ABHD2: variants seen among roughly 807,000 people sequenced by gnomAD.
ABHD2 encodes the protein abhydrolase domain containing 2, acylglycerol lipase, also known as monoacylglycerol lipase ABHD2.
In ABHD2, 20 loss-of-function variants were observed where a neutral mutation model predicts 48.1. That is an observed-to-expected ratio of 0.42 (90% CI 0.29 to 0.60). ABHD2 has a LOEUF of 0.60. Ranked by LOEUF, ABHD2 falls within the 20% of genes least tolerant of loss-of-function variation. ABHD2 has a pLI of 0.24. For missense variants in ABHD2, 405 were observed against 550.9 expected (o/e 0.74, Z 2.65); for synonymous variants, 209 against 214.2 (o/e 0.98, Z 0.21).
At chr15:89,049,898 C>T in the ABHD2 span, among the ~76,000 whole-genome samples, 1 of 152,296 alleles carries the variant, frequency 6.6e-6, no homozygotes, top group Middle Eastern at 3.4e-3. Flanking sequence ...TCCTATTCGG[C>T]CATCTTGGCT....
At chr15:89,109,660 A>G (rs1167032551) in intron 1 of ABHD2, among the ~76,000 whole-genome samples, 1 of 152,194 alleles carries the variant, frequency 6.6e-6, no homozygotes, top group Non-Finnish European at 1.5e-5. Flanking sequence ...CAAGTTCAGA[A>G]TATTAATATA....
the ABHD2 span, among the ~76,000 whole-genome samples, chr15:89,071,301 A>C: frequency 6.6e-6 from 1 of 152,060 alleles, no homozygotes; most frequent in East Asian, 1.9e-4. Context: ...AGCGCCTATA[A>C]TCCCAGCTAC....
the ABHD2 span, among the ~76,000 whole-genome samples, chr15:89,060,102 T>C: frequency 2.8e-3 from 414 of 148,080 alleles, 1 homozygote; most frequent in African/African-American, 9.6e-3. Flanking sequence ...TTTTTTTTTT[T>C]TTTTTGAGAC....
intron 6 of ABHD2, among the ~76,000 whole-genome samples, chr15:89,181,699 G>C (rs1021744980): frequency 6.6e-6 from 1 of 152,204 alleles, no homozygotes; most frequent in Non-Finnish European, 1.5e-5. Flanking sequence ...ACCATTAGAT[G>C]CATTCTTTCC....
chr15:89,048,860 G>A, the ABHD2 span, among the ~76,000 whole-genome samples: 1,671 of 148,616 alleles, frequency 0.011, 31 homozygotes, highest in African/African-American at 0.037. Context: ...CCCGTAGCTC[G>A]GAGTAATTTG....
At chr15:89,180,399 C>CT (rs1228827164) in intron 6 of ABHD2, among the ~76,000 whole-genome samples, 1 of 152,202 alleles carries the variant, frequency 6.6e-6, no homozygotes, top group Non-Finnish European at 1.5e-5. Flanking sequence ...GCCATCCCTA[C>CT]TCTAGTCTGA....
chr15:89,048,075 C>G, the ABHD2 span, among the ~76,000 whole-genome samples: 6 of 151,742 alleles, frequency 4.0e-5, no homozygotes, highest in Non-Finnish European at 5.9e-5. Context: ...CCTTCAGGAG[C>G]TCTTTTAGGG....
In ABHD2 at chr15:89,089,270, C is replaced by G. The variant is rs565792923; in HGVS notation, c.-107+707C>G. On this transcript the variant is annotated intron_variant, in intron 1 of 10. Transcript: ENST00000352732. ...GACTCCCAAGGGAGGACTGCATGAC[C>G]CATCTGTAAGGGCCTTCTCTACCCA... Among the ~76,000 whole-genome samples the G allele has an allele frequency of 7.2e-5, 11 of 152,348 alleles. No individual in the cohort carries two copies. The South Asian group carries it at 2.3e-3, about 32-fold the overall frequency.
chr15:89,054,431 G>T, the ABHD2 span, among the ~76,000 whole-genome samples: 361 of 151,414 alleles, frequency 2.4e-3, 3 homozygotes, highest in East Asian at 0.02. Context: ...CTGTAATCCC[G>T]GCACTTTGGG....
chr15:89,122,040 G>A (rs2050060254), intron 3 of ABHD2, among the ~76,000 whole-genome samples: 4 of 152,140 alleles, frequency 2.6e-5, no homozygotes, highest in Admixed American at 1.3e-4. Flanking sequence ...ATGTTGCCCA[G>A]TCTGGTCTCA....
intron 10 of ABHD2, chr15:89,193,552 T>C: frequency 3.6e-6 from 2 of 560,224 alleles, no homozygotes; most frequent in South Asian, 4.6e-5. Flanking sequence ...ACCATGTATA[T>C]CCATAGCCAG....
In ABHD2 at chr15:89,188,124, G is replaced by A. The variant is rs1307177778; in HGVS notation, c.816-69G>A. On this transcript the variant is annotated intron_variant, in intron 7 of 10. Transcript: ENST00000352732. The surrounding 1 kb of genome is among the most constrained non-coding windows in gnomAD (Gnocchi z 4.1). ...CTCCCTCCTGGCTTGCTGTGGCAAG[G>A]AAGCAGGCTATGCCATGGTTGTTCA... 7.2e-7 allele frequency: 1 copy of A among 1,397,548 alleles called. No homozygotes were observed. The highest frequency in any genetic ancestry group is 1.4e-5 in the African/African-American group (1 of 70,694). The allele number at this position is 1,397,548 out of a possible 1,614,324, so 86.6% of individuals were successfully genotyped here.
chr15:89,145,182 G>A (rs551220204), intron 3 of ABHD2, among the ~76,000 whole-genome samples: 1 of 152,350 alleles, frequency 6.6e-6, no homozygotes, highest in East Asian at 1.9e-4. Context: ...CTTGAACCCA[G>A]GAGGTGAAGG....
In ABHD2 at chr15:89,164,145, G is replaced by A. The variant is rs139592087; in HGVS notation, c.538+8611G>A. On this transcript the variant is annotated intron_variant, in intron 5 of 10. Transcript: ENST00000352732. This position sits in a 1 kb window ranked among gnomAD's most constrained non-coding sequence, Gnocchi z 5.0. ...AGACAATGATGGGGCCAGCCTCTGC[G>A]ATGGGAATACAGGTGTGGATTCGAG... Among the ~76,000 whole-genome samples the A allele has an allele frequency of 2.2e-3, 334 of 152,300 alleles. 1 individual carries two copies. Among genetic ancestry groups the A allele is most frequent in the Non-Finnish European group, 2.4e-3 (164 of 68,028 alleles).
intron 3 of ABHD2, among the ~76,000 whole-genome samples, chr15:89,131,954 A>T (rs2050226311): frequency 6.6e-6 from 1 of 152,182 alleles, no homozygotes; most frequent in Admixed American, 6.5e-5. Flanking sequence ...GGTAGGGACG[A>T]CTAAAGGAGT....
At chr15:89,049,023 CT>C in the ABHD2 span, among the ~76,000 whole-genome samples, 1 of 151,966 alleles carries the variant, frequency 6.6e-6, no homozygotes, top group Non-Finnish European at 1.5e-5. Flanking sequence ...GTTTTATCTA[CT>C]TTTGGTCTTC....
rs2051209222 is a variant in ABHD2, at chr15:89,186,303, G to T, written c.815+787G>T. ...CTGCCTCTCCGCCTCGTAATCCTGT[G>T]GTGGGTTAACCTGTCAAGTGCTTAG... On this transcript the variant is annotated intron_variant, in intron 7 of 10. Transcript: ENST00000352732. This position sits in a 1 kb window ranked among gnomAD's most constrained non-coding sequence, Gnocchi z 4.3. Among the ~76,000 whole-genome samples, 1 of 152,124 alleles carries T rather than the reference G, an allele frequency of 6.6e-6. No individual in the cohort carries two copies. The highest frequency in any genetic ancestry group is 2.4e-5 in the African/African-American group (1 of 41,418).
chr15:89,061,525 T>C, the ABHD2 span, among the ~76,000 whole-genome samples: 1 of 152,166 alleles, frequency 6.6e-6, no homozygotes. Context: ...ATAACTCATG[T>C]AATAAACCCG....
intron 10 of ABHD2, among the ~76,000 whole-genome samples, chr15:89,194,935 C>T (rs1235547542): frequency 1.3e-5 from 2 of 150,892 alleles, no homozygotes; most frequent in Admixed American, 1.3e-4. Flanking sequence ...GCTTTAAGAA[C>T]TCCACAACTG....
Sources: gnomAD v4.1 joint callset for allele counts (sites outside exome capture counted in the v4.1 genomes callset) on GRCh38, gnomAD v4.1.1 for gene constraint, Gnocchi (gnomAD v3.1) non-coding constraint, MANE v1.5 for transcripts, NCBI Gene and HGNC (gene_info 2026-07-23, HGNC 2026-07-21) for gene names.